PC: variants seen among roughly 807,000 people sequenced by gnomAD.
The protein encoded by PC is pyruvate carboxylase.
Under a neutral mutation model 107.8 loss-of-function variants are expected in PC, and 46 were observed. The ratio of observed to expected loss-of-function variants is 0.43; its 90% CI spans 0.34 to 0.55. The LOEUF (loss-of-function observed/expected upper bound fraction) is 0.55, where lower values mean the gene tolerates loss of function less well. Ranked by LOEUF, PC falls within the 20% of genes least tolerant of loss-of-function variation. The pLI, the probability that PC is intolerant of heterozygous loss-of-function variation, is 0.04. For synonymous variants in PC, 662 were observed against 684.7 expected (o/e 0.97, Z 0.52); for missense variants, 1,241 against 1,643.1 (o/e 0.76, Z 4.23).
At position 66,866,366 on chromosome 11, in the gene PC, G is replaced by C; in HGVS notation, c.1023-17C>G. 1 of 1,602,344 alleles carries C rather than the reference G, an allele frequency of 6.2e-7. No individual in the cohort carries two copies. Among genetic ancestry groups the C allele is most frequent in the South Asian group, 1.1e-5 (1 of 90,692 alleles). On this transcript the variant is annotated splice_polypyrimidine_tract_variant and intron_variant, in intron 10 of 22. Transcript: ENST00000393960. The surrounding 1 kb of genome is among the most constrained non-coding windows in gnomAD (Gnocchi z 5.4). Reference sequence around the variant, plus strand: ...AGGTCTACGCTGTAGGGCATTGGGGGGAGGGGGGAAAGGACGGGAGAAAGG... The same window carrying C: ...AGGTCTACGCTGTAGGGCATTGGGGCGAGGGGGGAAAGGACGGGAGAAAGG...
chr11:66,878,367 A>T (rs944797567), intron 3 of PC, among the ~76,000 whole-genome samples: 10 of 151,854 alleles, frequency 6.6e-5, no homozygotes, highest in Admixed American at 1.3e-4. Context: ...TCCACACCAC[A>T]CTCACTCCCC....
At position 66,871,622 on chromosome 11, in the gene PC, AC is replaced by A; in HGVS notation, c.321+64del. The stretch of plus-strand genomic sequence containing the variant: ...GCGCTGAGCACGCCAGCCTCAAGAG[AC>A]CCCCGCGGCAACTAAGACTCCCTGG... On this transcript the variant is annotated intron_variant, in intron 5 of 22. Transcript: ENST00000393960. This position sits in a 1 kb window ranked among gnomAD's most constrained non-coding sequence, Gnocchi z 7.4. 6.4e-7 allele frequency: 1 copy of A among 1,559,370 alleles called. No individual in the cohort carries two copies. The highest frequency in any genetic ancestry group is 8.7e-7 in the Non-Finnish European group (1 of 1,147,252).
chr11:66,890,601 A>T (rs1487713639), intron 3 of PC, among the ~76,000 whole-genome samples: 1 of 151,512 alleles, frequency 6.6e-6, no homozygotes, highest in Non-Finnish European at 1.5e-5. Context: ...CCCAGGTTCA[A>T]GCGATTCTCC....
chr11:66,858,084 G>A lies in PC; in HGVS notation c.1369-4701C>T, dbSNP rs773088818. 1.7e-5 allele frequency: 27 copies of A among 1,609,226 alleles called. No homozygotes were observed. The highest frequency in any genetic ancestry group is 2.2e-5 in the Non-Finnish European group (26 of 1,178,076). On this transcript the variant is annotated intron_variant, in intron 12 of 22. Coordinates refer to ENST00000393960, the MANE Select transcript of PC (RefSeq NM_001040716.2). This position sits in a 1 kb window ranked among gnomAD's most constrained non-coding sequence, Gnocchi z 5.9. ...CAACAGGCTGGTGGAGCTGGGCACC[G>A]GGAGCCTCCGGGGCCCCGTCAATCT...
chr11:66,907,779 A>G (rs1948211891), intron 3 of PC: 1 of 152,306 alleles, frequency 6.6e-6, no homozygotes, highest in Non-Finnish European at 1.5e-5. Flanking sequence ...ACCCCTACCC[A>G]GGACAAAGTG....
chr11:66,866,112 C>T lies in PC; in HGVS notation c.1185+75G>A, dbSNP rs1946480486. The T allele has an allele frequency of 2.0e-6, 3 of 1,523,660 alleles. No homozygotes were observed. Among genetic ancestry groups the T allele is most frequent in the Non-Finnish European group, 2.7e-6 (3 of 1,120,900 alleles). 94.4% of individuals were successfully genotyped at this position (1,523,660 alleles called of 1,614,324 possible). On this transcript the variant is annotated intron_variant, in intron 11 of 22. Coordinates refer to ENST00000393960, the MANE Select transcript of PC (RefSeq NM_001040716.2). The surrounding 1 kb of genome is among the most constrained non-coding windows in gnomAD (Gnocchi z 5.4). Reference sequence around the variant, plus strand: ...TAACTGCCGGGCTGTGGCAACTTGGCACTGCAGCCCCAGGCACCAGGCAGA... The same window carrying T: ...TAACTGCCGGGCTGTGGCAACTTGGTACTGCAGCCCCAGGCACCAGGCAGA...
intron 3 of PC, among the ~76,000 whole-genome samples, chr11:66,915,751 G>A (rs911543488): frequency 2.0e-5 from 3 of 152,196 alleles, no homozygotes; most frequent in African/African-American, 7.2e-5. Flanking sequence ...AAAGTCTCAC[G>A]CTAACGTAAC....
rs201942341 is a variant in PC, at chr11:66,850,211, C to T, written c.2718+9G>A. ...CTGGGTCAGGTAAGGAGCACCGGGC[C>T]GGGCTCACCTTGATGAGATCGCCCA... On this transcript the variant is annotated intron_variant, in intron 19 of 22. Transcript: ENST00000393960. The T allele has an allele frequency of 9.0e-5, 145 of 1,613,920 alleles. No homozygotes were observed. The African/African-American group carries it at 1.5e-3, about 17-fold the overall frequency.
chr11:66,932,088 T>C (rs946432974), intron 3 of PC, among the ~76,000 whole-genome samples: 2 of 151,350 alleles, frequency 1.3e-5, no homozygotes, highest in Non-Finnish European at 2.9e-5. Context: ...GCAGACCACC[T>C]CCAAGAGGAC....
At chr11:66,873,425 T>A (rs1200627680) in intron 3 of PC, among the ~76,000 whole-genome samples, 20 of 83,664 alleles carry the variant, frequency 2.4e-4, no homozygotes, top group African/African-American at 8.9e-4. Flanking sequence ...TATAATATAT[T>A]ATATATATTA....
chr11:66,891,240 A>G (rs1225766137), intron 3 of PC, among the ~76,000 whole-genome samples: 1 of 151,464 alleles, frequency 6.6e-6, no homozygotes, highest in Non-Finnish European at 1.5e-5. Context: ...TTGTATTTTT[A>G]GTAGAGACAG....
chr11:66,949,179 C>G (rs935826608), intron 3 of PC, among the ~76,000 whole-genome samples: 3 of 150,456 alleles, frequency 2.0e-5, no homozygotes, highest in African/African-American at 4.9e-5. Flanking sequence ...TTTTTAGTAG[C>G]GACAGGGTTT....
intron 3 of PC, among the ~76,000 whole-genome samples, chr11:66,919,031 A>G (rs1320385770): frequency 6.6e-6 from 1 of 152,192 alleles, no homozygotes; most frequent in African/African-American, 2.4e-5. Context: ...GACTCACATA[A>G]TCCTGGGACT....
chr11:66,853,009 C>T (rs923832302), intron 13 of PC, 173 bp from the exon 14 acceptor site: 9 of 691,834 alleles, frequency 1.3e-5, no homozygotes, highest in African/African-American at 7.2e-5. Flanking sequence ...GCAGTGGGGA[C>T]GTCTTGAGGA....
chr11:66,879,307 G>A (rs748507024), intron 3 of PC, among the ~76,000 whole-genome samples: 48 of 152,252 alleles, frequency 3.2e-4, no homozygotes, highest in Admixed American at 2.1e-3. Context: ...CAGGTGTGAT[G>A]CCCACATACA....
At chr11:66,889,190 T>C (rs766466800) in intron 3 of PC, among the ~76,000 whole-genome samples, 3 of 151,856 alleles carry the variant, frequency 2.0e-5, no homozygotes, top group Non-Finnish European at 4.4e-5. Flanking sequence ...GGGTTTGAGA[T>C]GGGGAGGGCA....
chr11:66,900,516 T>C (rs1947915330), intron 3 of PC, among the ~76,000 whole-genome samples: 1 of 152,114 alleles, frequency 6.6e-6, no homozygotes, highest in African/African-American at 2.4e-5. Context: ...CATTTCTCTG[T>C]GAATTTTAGG....
rs578137551 is a variant in PC, at chr11:66,896,564, C to T, written c.1-24405G>A. The stretch of plus-strand genomic sequence containing the variant: ...CAGAGGAAATCCCTGGGAGAGGGCA[C>T]GCCAAGGGAGCAGAGGGGCAAGGAG... On this transcript the variant is annotated intron_variant, in intron 3 of 22. Coordinates refer to ENST00000393960, the MANE Select transcript of PC (RefSeq NM_001040716.2). 7.2e-5 allele frequency among the ~76,000 whole-genome samples: 11 copies of T among 152,332 alleles called. No individual in the cohort carries two copies. In the East Asian group the frequency reaches 1.7e-3, roughly 24 times the overall value.
At chr11:66,891,873 A>G (rs1299171086) in intron 3 of PC, among the ~76,000 whole-genome samples, 1 of 152,140 alleles carries the variant, frequency 6.6e-6, no homozygotes, top group Non-Finnish European at 1.5e-5. Context: ...TTTAATTTTC[A>G]GTCCCCTGAT....
Sources: allele counts gnomAD v4.1 joint callset (sites outside exome capture counted in the v4.1 genomes callset), GRCh38; gene constraint gnomAD v4.1.1; non-coding constraint Gnocchi (gnomAD v3.1); transcripts MANE v1.5; gene names NCBI Gene and HGNC (gene_info 2026-07-23, HGNC 2026-07-21).